ZNF462: variants seen among roughly 807,000 people sequenced by gnomAD.
The protein encoded by ZNF462 is zinc finger PBX1-interacting protein.
In ZNF462, 10 loss-of-function variants were observed where a neutral mutation model predicts 201.9. That is an observed-to-expected ratio of 0.05 (90% CI 0.03 to 0.08). The LOEUF is 0.08. ZNF462 is among the 10% of genes least tolerant of loss of function. The pLI, the probability that ZNF462 is intolerant of heterozygous loss-of-function variation, is 1.00. For missense variants in ZNF462, 2,523 were observed against 3,168.3 expected, an observed-to-expected ratio of 0.80 and a Z score of 4.89; for synonymous variants, 1,227 against 1,193.3, an observed-to-expected ratio of 1.03 and a Z score of -0.58.
At position 106,938,378 on chromosome 9, in the gene ZNF462, T is replaced by A. The variant is rs117524089; in HGVS notation, c.6236-538T>A. ...TGAGGTTTATGAACTGGTCCAAAAA[T>A]ATATATATGTGGGATGAGAATGTGT... On this transcript the variant is annotated intron_variant, in intron 6 of 12. Transcript: ENST00000277225. The surrounding 1 kb of genome is among the most constrained non-coding windows in gnomAD (Gnocchi z 4.4). Among the ~76,000 whole-genome samples the A allele has an allele frequency of 1.4e-3, 209 of 152,270 alleles. 5 individuals are homozygous for A. In the East Asian group the frequency reaches 0.037, roughly 27 times the overall value.
rs1052731532 is a variant in ZNF462 at position 106,924,615 on chromosome 9, C to G, written c.703C>G (p.Pro235Ala). Reference sequence around the variant, plus strand: ...CAGCATCTTAGAGTCTATGGTCAAGCCTTTGACCAAATCTCGAGGCAACTT... The same window carrying G: ...CAGCATCTTAGAGTCTATGGTCAAGGCTTTGACCAAATCTCGAGGCAACTT... ...ERSILESMVK[P>A]LTKSRGNFCC... The change falls in exon 3 of 13, where the codon CCT becomes GCT. Residue 235 changes from proline (P) to alanine (A), a missense_variant. Transcript: ENST00000277225. The surrounding 1 kb of genome is among the most constrained non-coding windows in gnomAD (Gnocchi z 6.2). 1.9e-6 allele frequency: 3 copies of G among 1,614,122 alleles called. No individual in the cohort carries two copies. Among genetic ancestry groups the G allele is most frequent in the African/African-American group, 1.3e-5 (1 of 75,010 alleles).
intron 1 of ZNF462, among the ~76,000 whole-genome samples, chr9:106,869,296 G>A: frequency 6.6e-6 from 1 of 152,192 alleles, no homozygotes; most frequent in East Asian, 1.9e-4. Flanking sequence ...TGCCCTCCGT[G>A]TATCTTCTTG....
In ZNF462 at chr9:106,924,294, A is replaced by G; in HGVS notation, c.382A>G (p.Arg128Gly). Residue 128 changes from arginine to glycine, a missense_variant, in exon 3 of 13, where the codon AGA (arginine) becomes GGA (glycine). Around this residue, in one of 15 missense-constraint regions of ZNF462, gnomAD observed 480 missense variants for 544.4 expected, o/e 0.88. Coordinates refer to ENST00000277225, the MANE Select transcript of ZNF462 (RefSeq NM_021224.6). The surrounding 1 kb of genome is among the most constrained non-coding windows in gnomAD (Gnocchi z 6.2). ...RSKNLLIEHTRKVHGAQAEGS... is the reference protein window; with the variant it reads ...RSKNLLIEHTGKVHGAQAEGS... ...AAAAAACCTCCTCATAGAACACACT[A>G]GAAAGGTCCATGGAGCTCAAGCTGA... 6.2e-7 allele frequency: 1 copy of G among 1,614,142 alleles called. No individual in the cohort carries two copies. Among genetic ancestry groups the G allele is most frequent in the Non-Finnish European group, 8.5e-7 (1 of 1,180,020 alleles).
intron 9 of ZNF462, among the ~76,000 whole-genome samples, chr9:106,980,306 C>T (rs535094869): frequency 8.0e-4 from 122 of 152,262 alleles, no homozygotes; most frequent in Non-Finnish European, 1.5e-3. Context: ...CAGACTTTGT[C>T]ACTTCTTTGC....
rs190494080 is a variant in ZNF462 at position 106,923,088 on chromosome 9, G to A, written c.-30-266G>A. On this transcript the variant is annotated intron_variant, in intron 1 of 12. Coordinates refer to ENST00000277225, the MANE Select transcript of ZNF462 (RefSeq NM_021224.6). The surrounding 1 kb of genome is among the most constrained non-coding windows in gnomAD (Gnocchi z 5.6). ...TTCTAAAACTTTTGAAGTATTAAGC[G>A]TTTCCTTGACAAATGGCATTGGAAG... is the stretch of plus-strand genomic sequence containing the variant. Among the ~76,000 whole-genome samples the A allele has an allele frequency of 2.0e-5, 3 of 152,314 alleles. No individual in the cohort carries two copies. The highest frequency in any genetic ancestry group is 2.0e-4 in the Admixed American group (3 of 15,304).
rs755322564 is a variant in ZNF462, at chr9:107,009,568, G to C, written c.7213G>C (p.Gly2405Arg). The change falls in exon 12 of 13, where the codon GGG (glycine) becomes CGG (arginine). Residue 2405 changes from glycine (G) to arginine (R), a missense_variant. By Grantham distance (125) the Gly-to-Arg change is moderately radical. Transcript: ENST00000277225. The surrounding 1 kb of genome is among the most constrained non-coding windows in gnomAD (Gnocchi z 6.1). ...AGAGCTGATGAGATTTTCTGACCAC[G>C]GGGCTGCTCTTAACACTGAGAAGCG... ...DRELMRFSDHGAALNTEKRFP... is the reference protein window; with the variant it reads ...DRELMRFSDHRAALNTEKRFP... 1.2e-6 allele frequency: 2 copies of C among 1,613,826 alleles called. No individual in the cohort carries two copies.
chr9:106,879,686 A>ATT (rs1828006568), intron 1 of ZNF462, among the ~76,000 whole-genome samples: 1 of 152,108 alleles, frequency 6.6e-6, no homozygotes, highest in Non-Finnish European at 1.5e-5. Context: ...TAGTTGGTAG[A>ATT]AGCCTGCAGA....
Position 106,927,642 on chromosome 9 carries a change from C to A in ZNF462, c.3730C>A (p.Pro1244Thr), listed in dbSNP as rs752789724. Residue 1244 changes from proline (P) to threonine (T), a missense_variant, in exon 3 of 13, where the codon CCT becomes ACT. Physicochemically the swap from Pro to Thr is conservative, Grantham distance 38. Transcript: ENST00000277225. The stretch of plus-strand genomic sequence containing the variant: ...CCTCTGCGACCGAAATCAGAAGAAG[C>A]CTGCCAGCTGCGTGCTTGTCTCCCC... Reference protein sequence around the residue: ...RSLCDRNQKKPASCVLVSPSN... With the variant: ...RSLCDRNQKKTASCVLVSPSN... 6.2e-7 allele frequency: 1 copy of A among 1,613,860 alleles called. No individual in the cohort carries two copies. Among genetic ancestry groups the A allele is most frequent in the South Asian group, 1.1e-5 (1 of 91,068 alleles).
chr9:106,881,073 G>A (rs761375123), intron 1 of ZNF462, among the ~76,000 whole-genome samples: 2 of 152,110 alleles, frequency 1.3e-5, no homozygotes, highest in Non-Finnish European at 2.9e-5. Flanking sequence ...GGCATGCTTC[G>A]CCAGATGAGT....
In ZNF462 at chr9:106,917,434, A is replaced by G. The variant is rs1326805179; in HGVS notation, c.-30-5920A>G. ...TGTGCTTATATACAAGGTCCCACAG[A>G]TGGACCAGGCCAACTGTATACAACA... is the stretch of plus-strand genomic sequence containing the variant. On this transcript the variant is annotated intron_variant, in intron 1 of 12. Transcript: ENST00000277225. This position sits in a 1 kb window ranked among gnomAD's most constrained non-coding sequence, Gnocchi z 4.5. Among the ~76,000 whole-genome samples the G allele has an allele frequency of 1.3e-5, 2 of 152,200 alleles. No homozygotes were observed. The highest frequency in any genetic ancestry group is 3.8e-4 in the East Asian group (2 of 5,196).
At chr9:106,866,048 G>A (rs1373865535) in intron 1 of ZNF462, among the ~76,000 whole-genome samples, 8 of 152,190 alleles carry the variant, frequency 5.3e-5, no homozygotes, top group African/African-American at 1.9e-4. Context: ...TTGAAGATAG[G>A]TGAGGAGGGC....
chr9:106,988,718 C>T (rs1257481765), intron 10 of ZNF462, among the ~76,000 whole-genome samples: 4 of 152,126 alleles, frequency 2.6e-5, no homozygotes, highest in African/African-American at 4.8e-5. Flanking sequence ...TTTCTTTCAG[C>T]AGTGTTTTGT....
chr9:106,899,546 T>G (rs1828968542), intron 1 of ZNF462, among the ~76,000 whole-genome samples: 1 of 152,172 alleles, frequency 6.6e-6, no homozygotes, highest in Non-Finnish European at 1.5e-5. Context: ...CCTCCTCTTC[T>G]CAGTTAGACA....
At chr9:106,996,061 C>T (rs936203866) in intron 10 of ZNF462, among the ~76,000 whole-genome samples, 2 of 152,118 alleles carry the variant, frequency 1.3e-5, no homozygotes, top group Admixed American at 1.3e-4. Flanking sequence ...TGAGAACATG[C>T]AGTGTTTGGT....
intron 1 of ZNF462, among the ~76,000 whole-genome samples, chr9:106,916,054 A>G (rs1158688580): frequency 6.6e-6 from 1 of 152,216 alleles, no homozygotes; most frequent in Non-Finnish European, 1.5e-5. Flanking sequence ...GATTAGATTG[A>G]GATTTTCCCC....
intron 1 of ZNF462, among the ~76,000 whole-genome samples, chr9:106,891,677 G>T (rs1222574939): frequency 6.6e-6 from 1 of 152,122 alleles, no homozygotes; most frequent in Non-Finnish European, 1.5e-5. Flanking sequence ...AATCACTTTT[G>T]CAAGTTCTTC....
chr9:106,977,820 T>C lies in ZNF462; in HGVS notation c.6832+3547T>C, dbSNP rs141394631. On this transcript the variant is annotated intron_variant, in intron 9 of 12. Transcript: ENST00000277225. This position sits in a 1 kb window ranked among gnomAD's most constrained non-coding sequence, Gnocchi z 4.6. ...GCAGGGCATATTAGTTTGCAAGGACTATTGTAACAAGTGACCACCAAATGT... is the reference window on the plus strand; with the variant it reads ...GCAGGGCATATTAGTTTGCAAGGACCATTGTAACAAGTGACCACCAAATGT... Among the ~76,000 whole-genome samples the C allele has an allele frequency of 3.1e-3, 474 of 151,650 alleles. 6 individuals carry two copies. Among genetic ancestry groups the C allele is most frequent in the Admixed American group, 4.8e-3 (73 of 15,278 alleles).
In ZNF462 at chr9:106,972,086, G is replaced by A. The variant is rs372965051; in HGVS notation, c.6509G>A (p.Arg2170His). The change falls in exon 8 of 13, where the codon CGT (arginine) becomes CAT (histidine). Residue 2170 changes from arginine to histidine, a missense_variant. By Grantham distance (29) the Arg-to-His change is conservative. Coordinates refer to ENST00000277225, the MANE Select transcript of ZNF462 (RefSeq NM_021224.6). This position sits in a 1 kb window ranked among gnomAD's most constrained non-coding sequence, Gnocchi z 4.8. ...QSAALARNNS[R>H]VSPVPLSGAA... ...GCTGCCCTGGCAAGGAACAACAGCCGTGTTAGCCCTGTGCCTCTTTCTGGG... is the reference window on the plus strand; with the variant it reads ...GCTGCCCTGGCAAGGAACAACAGCCATGTTAGCCCTGTGCCTCTTTCTGGG... The A allele has an allele frequency of 1.3e-5, 21 of 1,614,066 alleles. No homozygotes were observed. Among genetic ancestry groups the A allele is most frequent in the African/African-American group, 6.7e-5 (5 of 74,922 alleles).
chr9:106,900,490 A>G (rs1423392951), intron 1 of ZNF462, among the ~76,000 whole-genome samples: 1 of 152,130 alleles, frequency 6.6e-6, no homozygotes, highest in Non-Finnish European at 1.5e-5. Context: ...TGGTTGTACT[A>G]GTTTAGTTCC....
Sources: gnomAD v4.1 joint callset for allele counts (sites outside exome capture counted in the v4.1 genomes callset) on GRCh38, gnomAD v4.1.1 for gene constraint, gnomAD v4.1.1 regional missense constraint, Gnocchi (gnomAD v3.1) non-coding constraint, MANE v1.5 for transcripts, NCBI Gene and HGNC (gene_info 2026-07-23, HGNC 2026-07-21) for gene names.